The following KLHL5 variants were observed in gnomAD, a reference collection of about 807,000 sequenced individuals.
KLHL5 encodes the protein kelch-like protein 5.
In KLHL5, 48 loss-of-function variants were observed where a neutral mutation model predicts 77.7. That is an observed-to-expected ratio of 0.62 (90% CI 0.49 to 0.79). The LOEUF is 0.79. Among genes scored for constraint, KLHL5 ranks in the 30% least tolerant of loss-of-function variants. The pLI, the probability that KLHL5 is intolerant of heterozygous loss-of-function variation, is 0.00. For missense variants in KLHL5, 723 were observed against 859.7 expected (o/e 0.84, Z 1.99); for synonymous variants, 260 against 297.0 (o/e 0.88, Z 1.28).
chr4:39,109,392 A>G (rs1358512188), intron 8 of KLHL5, among the ~76,000 whole-genome samples: 1 of 151,988 alleles, frequency 6.6e-6, no homozygotes, highest in East Asian at 1.9e-4. Flanking sequence ...TCTGCCTCCC[A>G]GGTTCAAGCG....
Position 39,123,301 on chromosome 4 carries a change from A to G in KLHL5, c.*2235A>G, listed in dbSNP as rs1723332935. Among the ~76,000 whole-genome samples, 2 of 152,214 alleles carry G rather than the reference A, an allele frequency of 1.3e-5. No homozygotes were observed. The highest frequency in any genetic ancestry group is 4.8e-5 in the African/African-American group (2 of 41,462). On this transcript the variant is annotated 3_prime_UTR_variant, in exon 11 of 11. Coordinates refer to ENST00000504108, the MANE Select transcript of KLHL5 (RefSeq NM_015990.5). ...ATGCCAAACATATAAAGAAGAATTA[A>G]CACTAATCCTTCTCGAACTCTCCCA... is the stretch of plus-strand genomic sequence containing the variant.
intron 4 of KLHL5, 42 bp from the exon 5 acceptor site, chr4:39,086,473 C>A: frequency 6.7e-7 from 1 of 1,486,782 alleles, no homozygotes; most frequent in Non-Finnish European, 9.4e-7. Flanking sequence ...TTGTGAAGGT[C>A]AGAAGGAACA....
At chr4:39,134,375 A>T in the KLHL5 span, among the ~76,000 whole-genome samples, 2 of 152,246 alleles carry the variant, frequency 1.3e-5, no homozygotes, top group Non-Finnish European at 2.9e-5. Flanking sequence ...ATGTTAACTC[A>T]TTTAATTTTT....
chr4:39,089,627 T>A (rs1468753914), intron 5 of KLHL5, among the ~76,000 whole-genome samples: 1 of 152,188 alleles, frequency 6.6e-6, no homozygotes, highest in Non-Finnish European at 1.5e-5. Flanking sequence ...GGACGAAGTT[T>A]TATCATCATC....
the KLHL5 span, among the ~76,000 whole-genome samples, chr4:39,142,327 G>A: frequency 6.6e-6 from 1 of 151,860 alleles, no homozygotes; most frequent in African/African-American, 2.4e-5. Context: ...CCTGGGAAGC[G>A]GAGGTTGCAG....
chr4:39,073,141 TTGAA>T (rs1293293023), intron 1 of KLHL5, among the ~76,000 whole-genome samples: 3 of 152,204 alleles, frequency 2.0e-5, no homozygotes, highest in Non-Finnish European at 2.9e-5. Context: ...CTCCGACCTA[TTGAA>T]TCAGTCTCAG....
At chr4:39,060,432 C>CT (rs1717315759), upstream of KLHL5, among the ~76,000 whole-genome samples, 4 of 130,966 alleles carry the variant, frequency 3.1e-5, no homozygotes, top group Admixed American at 3.4e-4. Context: ...ATTCCAACAA[C>CT]TAAAAATCTA....
chr4:39,050,102 G>A (rs1156622886), intron 1 of KLHL5, among the ~76,000 whole-genome samples: 1 of 151,840 alleles, frequency 6.6e-6, no homozygotes, highest in East Asian at 1.9e-4. Context: ...TAAGTGGGGA[G>A]TTTACAATCA....
At chr4:39,093,767 G>T (rs1362539418) in intron 5 of KLHL5, among the ~76,000 whole-genome samples, 1 of 151,986 alleles carries the variant, frequency 6.6e-6, no homozygotes, top group Non-Finnish European at 1.5e-5. Flanking sequence ...TTAGCTGGAT[G>T]TGGTGGTGCA....
chr4:39,069,048 G>T (rs982405925), intron 1 of KLHL5, among the ~76,000 whole-genome samples: 9 of 152,146 alleles, frequency 5.9e-5, no homozygotes, highest in Non-Finnish European at 1.3e-4. Context: ...AGAGACCCAG[G>T]TTCCTGTTAT....
At chr4:39,057,235 C>T (rs376751856), upstream of KLHL5, among the ~76,000 whole-genome samples, 29 of 152,268 alleles carry the variant, frequency 1.9e-4, no homozygotes, top group South Asian at 5.4e-3. Context: ...AAATACCATG[C>T]ACTGTACAGG....
downstream of KLHL5, among the ~76,000 whole-genome samples, chr4:39,127,300 G>A (rs1442286973): frequency 3.4e-5 from 5 of 147,450 alleles, no homozygotes; most frequent in Non-Finnish European, 6.0e-5. Context: ...CAGCCTTGGT[G>A]ACAGGTGACC....
Position 39,121,349 on chromosome 4 carries a change from A to G in KLHL5, c.*283A>G, listed in dbSNP as rs1334037593. The G allele has an allele frequency of 7.7e-6, 3 of 392,000 alleles. No homozygotes were observed. Among genetic ancestry groups the G allele is most frequent in the Admixed American group, 4.2e-5 (1 of 24,020 alleles). 24.3% of individuals were successfully genotyped at this position (392,000 alleles called of 1,614,324 possible). A position where few individuals can be genotyped will look rare whatever the true frequency, so the allele number is the denominator to read the frequency against. ...AATGCACTGCTCTGGAACATAACCC[A>G]GTGCTAACTGGGGGTTTCATTTATT... On this transcript the variant is annotated 3_prime_UTR_variant, in exon 11 of 11. Coordinates refer to ENST00000504108, the MANE Select transcript of KLHL5 (RefSeq NM_015990.5).
intron 9 of KLHL5, among the ~76,000 whole-genome samples, chr4:39,114,388 A>C (rs980314051): frequency 1.3e-5 from 2 of 152,242 alleles, no homozygotes; most frequent in Non-Finnish European, 2.9e-5. Flanking sequence ...GGAGAAAAAC[A>C]CTAATCCATC....
chr4:39,114,699 C>G (rs1250047903), intron 9 of KLHL5, among the ~76,000 whole-genome samples: 2 of 152,184 alleles, frequency 1.3e-5, no homozygotes, highest in Non-Finnish European at 2.9e-5. Context: ...GAAAGCTGTT[C>G]ATTGATACAA....
chr4:39,096,867 A>T lies in KLHL5; in HGVS notation c.1289A>T (p.Asp430Val), dbSNP rs1177380882. Residue 430 changes from aspartate (D) to valine (V), a missense_variant, in exon 6 of 11, where the codon GAT becomes GTT. By Grantham distance (152) the Asp-to-Val change is radical. Transcript: ENST00000504108. ...ACATTATTTGCAGTTGGGGGAATGG[A>T]TTCAACAAAAGGTATCAAATAATCT... is the stretch of plus-strand genomic sequence containing the variant. ...VGTLFAVGGM[D>V]STKGATSIEK... 1 of 1,612,452 alleles carries T rather than the reference A, an allele frequency of 6.2e-7. No individual in the cohort carries two copies. Among genetic ancestry groups the T allele is most frequent in the African/African-American group, 1.3e-5 (1 of 75,014 alleles).
At chr4:39,087,241 AG>A (rs1720137353) in intron 5 of KLHL5, among the ~76,000 whole-genome samples, 1 of 152,160 alleles carries the variant, frequency 6.6e-6, no homozygotes, top group South Asian at 2.1e-4. Context: ...ATTTTGGGTT[AG>A]TAACTTAATT....
chr4:39,066,446 GT>G (rs1391529027), intron 1 of KLHL5, among the ~76,000 whole-genome samples: 1 of 152,098 alleles, frequency 6.6e-6, no homozygotes, highest in African/African-American at 2.4e-5. Context: ...ATATCAGGCT[GT>G]TTTTTACTCC....
intron 1 of KLHL5, among the ~76,000 whole-genome samples, chr4:39,074,966 C>T (rs1360724592): frequency 3.3e-5 from 5 of 152,162 alleles, no homozygotes; most frequent in Admixed American, 3.3e-4. Context: ...GAGGAAAGAA[C>T]TGGACTCAGG....
Sources: allele counts gnomAD v4.1 joint callset (sites outside exome capture counted in the v4.1 genomes callset), GRCh38; gene constraint gnomAD v4.1.1; transcripts MANE v1.5; gene names NCBI Gene and HGNC (gene_info 2026-07-23, HGNC 2026-07-21).